RASA3: variants seen among roughly 807,000 people sequenced by gnomAD.
The protein encoded by RASA3 is ras GTPase-activating protein 3.
In RASA3, 73 loss-of-function variants were observed where a neutral mutation model predicts 110.0. That is an observed-to-expected ratio of 0.66 (90% CI 0.55 to 0.81). The LOEUF (loss-of-function observed/expected upper bound fraction) is 0.81, where lower values mean the gene tolerates loss of function less well. RASA3 is among the 30% of genes least tolerant of loss of function. The pLI, the probability that RASA3 is intolerant of heterozygous loss-of-function variation, is 0.00. For missense variants in RASA3, 976 were observed against 1,113.2 expected (o/e 0.88, Z 1.75); for synonymous variants, 500 against 451.4 (o/e 1.11, Z -1.37).
chr13:113,979,599 G>A (rs1483181090), intron 23 of RASA3, among the ~76,000 whole-genome samples, 177 bp from the exon 24 acceptor site: 1 of 152,256 alleles, frequency 6.6e-6, no homozygotes, highest in Non-Finnish European at 1.5e-5. Context: ...TGACTCTGAT[G>A]TGTGTGCACA....
At chr13:113,999,698 G>A (rs113508788) in intron 19 of RASA3, 31 bp from the exon 20 acceptor site, 72 of 1,593,150 alleles carry the variant, frequency 4.5e-5, no homozygotes, top group African/African-American at 3.0e-4. Context: ...CAGTGGGTGC[G>A]GGCCCCGCTG....
At chr13:114,024,713 C>G (rs1167665985) in intron 7 of RASA3, among the ~76,000 whole-genome samples, 1 of 152,240 alleles carries the variant, frequency 6.6e-6, no homozygotes, top group Non-Finnish European at 1.5e-5. Flanking sequence ...AGGGTCCCCT[C>G]TGCCGTGGAG....
At chr13:114,024,469 G>A in intron 7 of RASA3, 114 bp from the exon 8 acceptor site, 1 of 905,186 alleles carries the variant, frequency 1.1e-6, no homozygotes, top group Admixed American at 1.9e-5. Context: ...CACCACTCAA[G>A]GGCCACAACC....
chr13:114,059,995 C>T (rs575434602), intron 2 of RASA3, among the ~76,000 whole-genome samples: 132 of 152,352 alleles, frequency 8.7e-4, no homozygotes, highest in African/African-American at 3.0e-3. Context: ...GGGAGGCTTA[C>T]GGACGAGTGA....
chr13:114,117,962 T>TGCACACGCACCTGTGTGCAC (rs1256643067), intron 1 of RASA3, among the ~76,000 whole-genome samples: 1 of 151,864 alleles, frequency 6.6e-6, no homozygotes, highest in African/African-American at 2.4e-5. Context: ...GAGGGGTGCA[T>TGCACACGCACCTGTGTGCAC]GCACACGCAC....
At chr13:113,989,272 CACTCACCCATCCGTCCATCCACCCATT>C (rs2053045744) in intron 22 of RASA3, among the ~76,000 whole-genome samples, 1 of 148,228 alleles carries the variant, frequency 6.7e-6, no homozygotes, top group Non-Finnish European at 1.5e-5. Flanking sequence ...ATCCACCCAT[CACTCACCCATCCGTCCATCCACCCATT>C]ACTCACCCAT....
At chr13:114,100,502 C>T (rs926685769) in intron 1 of RASA3, among the ~76,000 whole-genome samples, 3 of 152,226 alleles carry the variant, frequency 2.0e-5, no homozygotes, top group Middle Eastern at 3.2e-3. Context: ...GCCAGGGACC[C>T]CCGTCTGGGC....
intron 16 of RASA3, among the ~76,000 whole-genome samples, chr13:114,010,820 C>G (rs145272518): frequency 1.3e-5 from 1 of 78,152 alleles, no homozygotes; most frequent in Non-Finnish European, 2.9e-5. Context: ...TAGGGGGCTG[C>G]GTGACGAGGA....
At chr13:114,090,474 C>G (rs2079876124) in intron 1 of RASA3, among the ~76,000 whole-genome samples, 1 of 152,168 alleles carries the variant, frequency 6.6e-6, no homozygotes, top group South Asian at 2.1e-4. Flanking sequence ...AGAGAAGGGA[C>G]CGAGGCTCCT....
chr13:114,102,385 C>CGGAGACAGAGAGACGGTGAGAGGGAG (rs2080071387), intron 1 of RASA3, among the ~76,000 whole-genome samples: 1 of 151,834 alleles, frequency 6.6e-6, no homozygotes. Flanking sequence ...GGAAGAGAGA[C>CGGAGACAGAGAGACGGTGAGAGGGAG]GGAGACAGAG....
intron 9 of RASA3, among the ~76,000 whole-genome samples, chr13:114,019,303 C>T (rs1291916112): frequency 2.0e-5 from 3 of 152,222 alleles, no homozygotes; most frequent in Admixed American, 1.3e-4. Context: ...CCGTGGCTCC[C>T]GATGTCACGG....
chr13:114,009,240 A>C, intron 17 of RASA3, 147 bp downstream of exon 17: 1 of 660,678 alleles, frequency 1.5e-6, no homozygotes, highest in Non-Finnish European at 2.7e-6. Flanking sequence ...GGCTGTCTGG[A>C]CAGCGCTGTG....
chr13:114,098,383 C>G (rs981483150), intron 1 of RASA3, among the ~76,000 whole-genome samples: 4 of 152,150 alleles, frequency 2.6e-5, no homozygotes, highest in Non-Finnish European at 4.4e-5. Context: ...CCAGCCAGGC[C>G]TCACACCAGC....
chr13:114,111,115 G>A (rs1239893604), intron 1 of RASA3, among the ~76,000 whole-genome samples: 1 of 69,074 alleles, frequency 1.4e-5, no homozygotes, highest in African/African-American at 5.6e-5. Flanking sequence ...ACAAAGAGCT[G>A]CAGGCCGAGT....
intron 3 of RASA3, among the ~76,000 whole-genome samples, chr13:114,051,098 C>T (rs1024279222): frequency 7.2e-5 from 11 of 152,174 alleles, no homozygotes; most frequent in South Asian, 2.1e-4. Context: ...CTCGTGGCCT[C>T]GCTGGCCTCC....
chr13:114,124,742 C>T (rs1166547879), intron 1 of RASA3, among the ~76,000 whole-genome samples: 1 of 152,256 alleles, frequency 6.6e-6, no homozygotes, highest in Non-Finnish European at 1.5e-5. Context: ...TTCACCTGTC[C>T]ACATGCATTT....
chr13:114,129,998 G>A (rs2080496424), intron 1 of RASA3, among the ~76,000 whole-genome samples: 1 of 152,108 alleles, frequency 6.6e-6, no homozygotes, highest in African/African-American at 2.4e-5. Flanking sequence ...ATTAAAGAAA[G>A]AGCCTGAGGG....
chr13:114,051,865 T>C (rs1382762773), intron 3 of RASA3, among the ~76,000 whole-genome samples, 187 bp downstream of exon 3: 1 of 152,198 alleles, frequency 6.6e-6, no homozygotes, highest in Non-Finnish European at 1.5e-5. Flanking sequence ...TGTGATGCTC[T>C]AGCAGGGACC....
chr13:114,051,336 C>T (rs1259431327), intron 3 of RASA3, among the ~76,000 whole-genome samples: 1 of 152,240 alleles, frequency 6.6e-6, no homozygotes, highest in East Asian at 1.9e-4. Flanking sequence ...CCTGGCTCTC[C>T]CAGCGTCACG....
Sources: allele counts gnomAD v4.1 joint callset (sites outside exome capture counted in the v4.1 genomes callset), GRCh38; gene constraint gnomAD v4.1.1; transcripts MANE v1.5; gene names NCBI Gene and HGNC (gene_info 2026-07-23, HGNC 2026-07-21).